The following CTTNBP2 variants were observed in gnomAD, a reference collection of about 807,000 sequenced individuals.
CTTNBP2 encodes cortactin-binding protein 2.
CTTNBP2 carries 108 observed loss-of-function variants against 156.9 expected under a neutral mutation model. The ratio of observed to expected loss-of-function variants is 0.69; its 90% CI spans 0.59 to 0.81. The LOEUF is 0.81. Among genes scored for constraint, CTTNBP2 ranks in the 30% least tolerant of loss-of-function variants. The pLI is 0.00. For missense variants in CTTNBP2, 1,924 were observed against 2,035.4 expected (o/e 0.95, Z 1.05); for synonymous variants, 767 against 751.8 (o/e 1.02, Z -0.33).
intron 2 of CTTNBP2, among the ~76,000 whole-genome samples, chr7:117,846,007 C>A (rs963769721): frequency 1.3e-5 from 2 of 151,024 alleles, no homozygotes; most frequent in Non-Finnish European, 2.9e-5. Flanking sequence ...CCTGCCACCA[C>A]GCCCGGCTAA....
intron 12 of CTTNBP2, among the ~76,000 whole-genome samples, chr7:117,756,334 G>A (rs1193450772): frequency 6.6e-6 from 1 of 151,980 alleles, no homozygotes; most frequent in East Asian, 1.9e-4. Flanking sequence ...CAGGTCACAG[G>A]TGGTCTCTGG....
intron 1 of CTTNBP2, 46 bp downstream of exon 1, chr7:117,873,289 G>C (rs1378350367): frequency 7.6e-7 from 1 of 1,312,924 alleles, no homozygotes; most frequent in South Asian, 2.0e-5. Flanking sequence ...GCCGCCCCCG[G>C]CCCGCGTCTA....
chr7:117,725,578 T>C (rs1011788061), intron 17 of CTTNBP2, among the ~76,000 whole-genome samples: 1 of 152,142 alleles, frequency 6.6e-6, no homozygotes, highest in African/African-American at 2.4e-5. Context: ...ACTGAAAAAA[T>C]CTGGAAAAAA....
chr7:117,802,656 T>C (rs1403905126), intron 3 of CTTNBP2, among the ~76,000 whole-genome samples: 2 of 151,938 alleles, frequency 1.3e-5, no homozygotes, highest in African/African-American at 4.8e-5. Context: ...AGGTCTAACA[T>C]CCAGAATCTA....
At chr7:117,832,241 T>C (rs1261405784) in intron 2 of CTTNBP2, among the ~76,000 whole-genome samples, 3 of 152,072 alleles carry the variant, frequency 2.0e-5, no homozygotes, top group African/African-American at 4.8e-5. Flanking sequence ...ATCCCGCTCA[T>C]CTTTAACCCC....
At chr7:117,797,624 A>G (rs374214881) in intron 3 of CTTNBP2, among the ~76,000 whole-genome samples, 2 of 152,232 alleles carry the variant, frequency 1.3e-5, no homozygotes, top group African/African-American at 4.8e-5. Flanking sequence ...AACCAAATGT[A>G]CAAACAGAAC....
chr7:117,763,984 A>C (rs969906909), intron 9 of CTTNBP2, among the ~76,000 whole-genome samples: 2 of 151,880 alleles, frequency 1.3e-5, no homozygotes, highest in African/African-American at 4.8e-5. Context: ...CTTGGCCTTC[A>C]GTTTGCTTTT....
At chr7:117,839,208 A>G (rs1363743722) in intron 2 of CTTNBP2, among the ~76,000 whole-genome samples, 2 of 152,190 alleles carry the variant, frequency 1.3e-5, no homozygotes, top group African/African-American at 4.8e-5. Flanking sequence ...CTGGCAGATA[A>G]GCACCCAGTC....
chr7:117,868,864 G>A (rs1415075456), intron 1 of CTTNBP2, among the ~76,000 whole-genome samples: 1 of 152,230 alleles, frequency 6.6e-6, no homozygotes, highest in Non-Finnish European at 1.5e-5. Context: ...TGAAATTCCA[G>A]TCCCACATTT....
intron 3 of CTTNBP2, among the ~76,000 whole-genome samples, chr7:117,797,781 A>T (rs1799402385): frequency 6.6e-6 from 1 of 152,198 alleles, no homozygotes; most frequent in Non-Finnish European, 1.5e-5. Context: ...AAGATTGAAA[A>T]CATTGAACAG....
intron 4 of CTTNBP2, among the ~76,000 whole-genome samples, chr7:117,785,956 G>A (rs1024073157): frequency 6.6e-6 from 1 of 152,038 alleles, no homozygotes; most frequent in African/African-American, 2.4e-5. Flanking sequence ...TACAACAGAT[G>A]GATGTTTTAT....
intron 1 of CTTNBP2, among the ~76,000 whole-genome samples, chr7:117,869,621 C>T (rs933613267): frequency 6.6e-6 from 1 of 152,170 alleles, no homozygotes; most frequent in African/African-American, 2.4e-5. Context: ...GAGAAACACA[C>T]AAGGATAGAA....
At chr7:117,836,763 C>T (rs912774952) in intron 2 of CTTNBP2, among the ~76,000 whole-genome samples, 1 of 152,058 alleles carries the variant, frequency 6.6e-6, no homozygotes, top group Non-Finnish European at 1.5e-5. Flanking sequence ...GCTGGGGAGG[C>T]CTCATAATCA....
chr7:117,751,200 C>T (rs1796602416), intron 12 of CTTNBP2, among the ~76,000 whole-genome samples: 3 of 152,214 alleles, frequency 2.0e-5, no homozygotes, highest in African/African-American at 7.2e-5. Context: ...ACCAGAGGAG[C>T]TGTGATTTCC....
chr7:117,756,020 T>C (rs1300740845), intron 12 of CTTNBP2, among the ~76,000 whole-genome samples: 2 of 152,304 alleles, frequency 1.3e-5, no homozygotes, highest in Non-Finnish European at 1.5e-5. Flanking sequence ...GAAAGGGTGC[T>C]GAGATCCTGG....
At chr7:117,720,558 G>A (rs764146235) in intron 20 of CTTNBP2, among the ~76,000 whole-genome samples, 19 of 152,230 alleles carry the variant, frequency 1.2e-4, no homozygotes, top group Middle Eastern at 3.4e-3. Context: ...GCCAGGCACG[G>A]TGGCAGGCAC....
At chr7:117,811,177 A>C (rs1227967929) in intron 2 of CTTNBP2, among the ~76,000 whole-genome samples, 188 bp from the exon 3 acceptor site, 1 of 152,200 alleles carries the variant, frequency 6.6e-6, no homozygotes, top group Non-Finnish European at 1.5e-5. Flanking sequence ...ATGCCATTCC[A>C]TCTGCTTTCA....
chr7:117,784,573 G>A, intron 4 of CTTNBP2, 119 bp from the exon 5 acceptor site: 2 of 647,034 alleles, frequency 3.1e-6, no homozygotes, highest in Non-Finnish European at 5.0e-6. Context: ...AGAGGATTAT[G>A]TGGTTTCTAA....
intron 21 of CTTNBP2, among the ~76,000 whole-genome samples, chr7:117,719,223 G>A (rs1794640263): frequency 6.6e-6 from 1 of 152,038 alleles, no homozygotes; most frequent in South Asian, 2.1e-4. Context: ...AAGAAAAGCT[G>A]CCCAAATGAA....
Sources: gnomAD v4.1 joint callset for allele counts (sites outside exome capture counted in the v4.1 genomes callset) on GRCh38, gnomAD v4.1.1 for gene constraint, MANE v1.5 for transcripts, NCBI Gene and HGNC (gene_info 2026-07-23, HGNC 2026-07-21) for gene names.